REM2: variants seen among roughly 807,000 people sequenced by gnomAD.
REM2 encodes RRAD and GEM like GTPase 2.
A neutral mutation model predicts 24.4 loss-of-function variants in REM2; 24 were observed. The observed-to-expected ratio is 0.98, with a 90% confidence interval of 0.71 to 1.38. The LOEUF is 1.38. REM2 is among the 40% of genes most tolerant of loss of function. The pLI is 0.00. For synonymous variants in REM2, 187 were observed against 198.0 expected, an observed-to-expected ratio of 0.94 and a Z score of 0.47; for missense variants, 429 against 467.8, an observed-to-expected ratio of 0.92 and a Z score of 0.77.
Position 22,885,355 on chromosome 14 carries a change from T to C in REM2, c.519+16T>C, listed in dbSNP as rs776481994. On this transcript the variant is annotated intron_variant, in intron 3 of 4. Coordinates refer to ENST00000267396, the MANE Select transcript of REM2 (RefSeq NM_173527.3). The stretch of plus-strand genomic sequence containing the variant: ...CTGGGAACAGGTGAGAACTAAGATG[T>C]GGCTGCAGGCAGGTGATGAAGCTGG... The C allele has an allele frequency of 6.3e-7, 1 of 1,599,234 alleles. No individual in the cohort carries two copies. The highest frequency in any genetic ancestry group is 8.6e-7 in the Non-Finnish European group (1 of 1,166,538).
rs2040088315 is a variant in REM2, at chr14:22,883,513, T to C, written c.103+123T>C. 1.6e-5 allele frequency: 14 copies of C among 851,462 alleles called. No homozygotes were observed. The East Asian group carries it at 3.5e-4, about 21-fold the overall frequency. The allele number at this position is 851,462 out of a possible 1,614,324, so 52.7% of individuals were successfully genotyped here. A position where few individuals can be genotyped will look rare whatever the true frequency, so the allele number is the denominator to read the frequency against. ...TCAGTCAGCAAGAGGAGAAGAGCAA[T>C]TGAGAAAGTGGAGAAGACCCCTGCT... On this transcript the variant is annotated intron_variant, in intron 1 of 4. Coordinates refer to ENST00000267396, the MANE Select transcript of REM2 (RefSeq NM_173527.3).
Position 22,884,927 on chromosome 14 carries a change from AGTGGGGGAGAGCGGC to A in REM2, c.363_377del (p.Glu122_Gly126del). ...AGGATGGCATCTTCAAGGTCATGCT[AGTGGGGGAGAGCGGC>A]GTGGGCAAGAGCACCCTAGCAGGCA... is the stretch of plus-strand genomic sequence containing the variant. On this transcript the variant is annotated inframe_deletion, in exon 2 of 5. Transcript: ENST00000267396. 6.2e-7 allele frequency: 1 copy of A among 1,606,392 alleles called. No individual in the cohort carries two copies. Among genetic ancestry groups the A allele is most frequent in the Admixed American group, 1.7e-5 (1 of 59,546 alleles).
rs2040105193 is a variant in REM2 at position 22,884,734 on chromosome 14, G to T, written c.164G>T (p.Gly55Val). Residue 55 changes from glycine to valine, a missense_variant, in exon 2 of 5, where the codon GGG becomes GTG. By Grantham distance (109) the Gly-to-Val change is moderately radical. Transcript: ENST00000267396. Reference protein sequence around the residue: ...EKLLAELDRSGLPSAPGAPRR... With the variant: ...EKLLAELDRSVLPSAPGAPRR... Reference sequence around the variant, plus strand: ...CTGTTGGCAGAGTTGGACCGGAGCGGGTTACCCTCTGCCCCTGGGGCCCCC... The same window carrying T: ...CTGTTGGCAGAGTTGGACCGGAGCGTGTTACCCTCTGCCCCTGGGGCCCCC... The T allele has an allele frequency of 6.2e-7, 1 of 1,613,880 alleles. No homozygotes were observed. The highest frequency in any genetic ancestry group is 1.7e-5 in the Admixed American group (1 of 59,998).
Position 22,884,812 on chromosome 14 carries a change from A to G in REM2, c.242A>G (p.Gln81Arg), listed in dbSNP as rs761225229. The change falls in exon 2 of 5, where the codon CAG (glutamine) becomes CGG (arginine). Residue 81 changes from glutamine (Q) to arginine (R), a missense_variant. Transcript: ENST00000267396. ...TACAAGCACCAGCTCCGGCGGGCCC[A>G]GGCTGTAGATGAACTTGACTGGCCA... is the stretch of plus-strand genomic sequence containing the variant. ...VPYKHQLRRAQAVDELDWPPQ... is the reference protein window; with the variant it reads ...VPYKHQLRRARAVDELDWPPQ... The G allele has an allele frequency of 3.5e-5, 56 of 1,613,896 alleles. No individual in the cohort carries two copies. Among genetic ancestry groups the G allele is most frequent in the Non-Finnish European group, 4.7e-5 (56 of 1,179,896 alleles).
chr14:22,884,064 CCTCT>C (rs990720690), intron 1 of REM2: 22 of 981,682 alleles, frequency 2.2e-5, no homozygotes, highest in Middle Eastern at 5.2e-4. Context: ...AGCAGCAGCC[CCTCT>C]CTCTCTCTCA....
intron 1 of REM2, chr14:22,884,214 C>A (rs2040098355): frequency 5.1e-6 from 5 of 985,310 alleles, no homozygotes; most frequent in Non-Finnish European, 6.0e-6. Flanking sequence ...GCAGCAGTTT[C>A]AGCTTGTCAT....
In REM2 at chr14:22,886,728, G is replaced by A; in HGVS notation, c.842G>A (p.Arg281Gln). 2 of 1,521,088 alleles carry A rather than the reference G, an allele frequency of 1.3e-6. No individual in the cohort carries two copies. The highest frequency in any genetic ancestry group is 1.2e-5 in the South Asian group (1 of 82,076). The allele number at this position is 1,521,088 out of a possible 1,614,324, so 94.2% of individuals were successfully genotyped here. A position where few individuals can be genotyped will look rare whatever the true frequency, so the allele number is the denominator to read the frequency against. The change falls in exon 5 of 5, where the codon CGG becomes CAG. Residue 281 changes from arginine (R) to glutamine (Q), a missense_variant. By Grantham distance (43) the Arg-to-Gln change is conservative. Coordinates refer to ENST00000267396, the MANE Select transcript of REM2 (RefSeq NM_173527.3). This position sits in a 1 kb window ranked among gnomAD's most constrained non-coding sequence, Gnocchi z 5.9. ...EGAVRQIRLRRGRNHAGGQRP... is the reference protein window; with the variant it reads ...EGAVRQIRLRQGRNHAGGQRP... ...GCGGTGCGCCAGATCCGGCTGCGGC[G>A]GGGCCGAAACCACGCCGGAGGCCAG...
Position 22,885,486 on chromosome 14 carries a change from A to AAAGGCCCACACTACAGCCTGTGGCTGTT in REM2, c.519+150_519+151insGCCCACACTACAGCCTGTGGCTGTTAAG, listed in dbSNP as rs1174785222. On this transcript the variant is annotated intron_variant, in intron 3 of 4. Transcript: ENST00000267396. Reference sequence around the variant, plus strand: ...TTTCATTCATATCACCTCAGAAAGCAAAGACCCACACTACAGCCTGTGGCT... The same window carrying AAAGGCCCACACTACAGCCTGTGGCTGTT: ...TTTCATTCATATCACCTCAGAAAGCAAAGGCCCACACTACAGCCTGTGGCTGTTAAGACCCACACTACAGCCTGTGGCT... 1.2e-5 allele frequency: 8 copies of AAAGGCCCACACTACAGCCTGTGGCTGTT among 652,922 alleles called. No individual in the cohort carries two copies. In the African/African-American group the frequency reaches 1.3e-4, roughly 10 times the overall value. The allele number at this position is 652,922 out of a possible 1,614,324, so 40.4% of individuals were successfully genotyped here. A position where few individuals can be genotyped will look rare whatever the true frequency, so the allele number is the denominator to read the frequency against.
intron 1 of REM2, 171 bp from the exon 2 acceptor site, chr14:22,884,503 A>G (rs956168259): frequency 1.1e-4 from 109 of 985,248 alleles, no homozygotes; most frequent in Admixed American, 1.8e-4. Context: ...GCTTCTGGAG[A>G]CTTTAGTGTA....
At position 22,884,763 on chromosome 14, in the gene REM2, C is replaced by G; in HGVS notation, c.193C>G (p.Arg65Gly). 6.2e-7 allele frequency: 1 copy of G among 1,613,982 alleles called. No individual in the cohort carries two copies. Among genetic ancestry groups the G allele is most frequent in the South Asian group, 1.1e-5 (1 of 91,084 alleles). The part of the protein sequence containing the change: ...GLPSAPGAPR[R>G]RGSMPVPYKH... ...ACCCTCTGCCCCTGGGGCCCCCAGA[C>G]GAAGAGGCAGTATGCCTGTCCCCTA... Residue 65 changes from arginine (R) to glycine (G), a missense_variant, in exon 2 of 5, where the codon CGA becomes GGA. Coordinates refer to ENST00000267396, the MANE Select transcript of REM2 (RefSeq NM_173527.3).
Position 22,883,379 on chromosome 14 carries a change from C to T in REM2, c.92C>T (p.Thr31Met), listed in dbSNP as rs201949801. The T allele has an allele frequency of 8.1e-5, 126 of 1,553,774 alleles. No individual in the cohort carries two copies. The African/African-American group carries it at 1.3e-3, about 16-fold the overall frequency. The change falls in exon 1 of 5, where the codon ACG becomes ATG. Residue 31 changes from threonine (T) to methionine (M), a missense_variant. By Grantham distance (81) the Thr-to-Met change is moderately conservative (BLOSUM62 -1). Transcript: ENST00000267396. ...SGSRRASPPGTPTPEADATLL... is the reference protein window; with the variant it reads ...SGSRRASPPGMPTPEADATLL... ...AGCCGCCGGGCCTCCCCTCCAGGGA[C>T]GCCCACACCAGGTGAGGGCTAACCT...
intron 2 of REM2, 34 bp from the exon 3 acceptor site, chr14:22,885,232 A>T: frequency 2.5e-6 from 4 of 1,590,844 alleles, no homozygotes; most frequent in Non-Finnish European, 3.5e-6. Context: ...AAACCTCCTA[A>T]TGGACTTTAT....
At position 22,886,414 on chromosome 14, in the gene REM2, C is replaced by G; in HGVS notation, c.727+183C>G. ...CTGAGAATCCCTTCTTGTCACTTCC[C>G]CTCACCTCTCTCCTAGGCCTCCTTC... is the stretch of plus-strand genomic sequence containing the variant. On this transcript the variant is annotated intron_variant, in intron 4 of 4. Coordinates refer to ENST00000267396, the MANE Select transcript of REM2 (RefSeq NM_173527.3). This position sits in a 1 kb window ranked among gnomAD's most constrained non-coding sequence, Gnocchi z 5.9. 2 of 721,072 alleles carry G rather than the reference C, an allele frequency of 2.8e-6. No homozygotes were observed. Among genetic ancestry groups the G allele is most frequent in the Non-Finnish European group, 4.6e-6 (2 of 432,568 alleles). 44.7% of individuals were successfully genotyped at this position (721,072 alleles called of 1,614,324 possible).
At chr14:22,883,892 C>T (rs761326914) in intron 1 of REM2, among the ~76,000 whole-genome samples, 1 of 140,758 alleles carries the variant, frequency 7.1e-6, no homozygotes, top group Non-Finnish European at 1.5e-5. Context: ...GTCACTCTCC[C>T]TTTCGCTCAC....
In REM2 at chr14:22,886,089, C is replaced by G. The variant is rs1335108983; in HGVS notation, c.585C>G (p.Phe195Leu). 6.2e-7 allele frequency: 1 copy of G among 1,614,044 alleles called. No homozygotes were observed. The highest frequency in any genetic ancestry group is 2.2e-5 in the East Asian group (1 of 44,880). ...LQTGDAFLIV[F>L]SVTDRRSFSK... ...CCGGGGACGCCTTTCTCATCGTCTT[C>G]TCAGTCACCGACCGACGGAGTTTCT... Residue 195 changes from phenylalanine (F) to leucine (L), a missense_variant, in exon 4 of 5, where the codon TTC becomes TTG. Transcript: ENST00000267396. The surrounding 1 kb of genome is among the most constrained non-coding windows in gnomAD (Gnocchi z 5.9).
chr14:22,886,028 A>C lies in REM2; in HGVS notation c.524A>C (p.Asp175Ala). ...CGTTCCTCTGCCTGTCTGCAGGGGG[A>C]TGCAGGAGGGTGGCTGCGGGACCAC... The part of the protein sequence containing the change: ...LVVYDIWEQG[D>A]AGGWLRDHCL... The change falls in exon 4 of 5, where the codon GAT becomes GCT. Residue 175 changes from aspartate to alanine, a missense_variant. Physicochemically the swap from Asp to Ala is moderately radical, Grantham distance 126 (BLOSUM62 -2). Transcript: ENST00000267396. This position sits in a 1 kb window ranked among gnomAD's most constrained non-coding sequence, Gnocchi z 5.9. 7 of 1,612,816 alleles carry C rather than the reference A, an allele frequency of 4.3e-6. No individual in the cohort carries two copies. Among genetic ancestry groups the C allele is most frequent in the Non-Finnish European group, 5.9e-6 (7 of 1,178,950 alleles).
At position 22,886,188 on chromosome 14, in the gene REM2, A is replaced by G. The variant is rs760682359; in HGVS notation, c.684A>G (p.Gly228=). 6.2e-7 allele frequency: 1 copy of G among 1,613,900 alleles called. No individual in the cohort carries two copies. ...ACGACCTACCCGTTATCCTCGTTGG[A>G]AACAAGAGCGACTTGGCCCGCTCCC... ...PHHDLPVILV[G]NKSDLARSRE... is the part of the protein sequence containing the mutation. Residue 228 remains glycine (G), a synonymous_variant, in exon 4 of 5, where the codon GGA becomes GGG. Transcript: ENST00000267396. The surrounding 1 kb of genome is among the most constrained non-coding windows in gnomAD (Gnocchi z 5.9).
At chr14:22,884,392 A>G in intron 1 of REM2, 1 of 985,458 alleles carries the variant, frequency 1.0e-6, no homozygotes. Flanking sequence ...GTGAGTGGGT[A>G]TGTGAGCCTG....
At position 22,886,114 on chromosome 14, in the gene REM2, T is replaced by G. The variant is rs1215696577; in HGVS notation, c.610T>G (p.Ser204Ala). ...VFSVTDRRSF[S>A]KVPETLLRLR... ...CTCAGTCACCGACCGACGGAGTTTCTCCAAAGTTCCAGAGACCCTACTTCG... is the reference window on the plus strand; with the variant it reads ...CTCAGTCACCGACCGACGGAGTTTCGCCAAAGTTCCAGAGACCCTACTTCG... Residue 204 changes from serine to alanine, a missense_variant, in exon 4 of 5, where the codon TCC becomes GCC. Coordinates refer to ENST00000267396, the MANE Select transcript of REM2 (RefSeq NM_173527.3). The surrounding 1 kb of genome is among the most constrained non-coding windows in gnomAD (Gnocchi z 5.9). 6.2e-7 allele frequency: 1 copy of G among 1,613,808 alleles called. No homozygotes were observed. Among genetic ancestry groups the G allele is most frequent in the Non-Finnish European group, 8.5e-7 (1 of 1,179,882 alleles).
Sources: gnomAD v4.1 joint callset for allele counts (sites outside exome capture counted in the v4.1 genomes callset) on GRCh38, gnomAD v4.1.1 for gene constraint, Gnocchi (gnomAD v3.1) non-coding constraint, MANE v1.5 for transcripts, NCBI Gene and HGNC (gene_info 2026-07-23, HGNC 2026-07-21) for gene names.